MID2: variants seen among roughly 807,000 people sequenced by gnomAD.
The protein encoded by MID2 is probable E3 ubiquitin-protein ligase MID2.
MID2 carries 13 observed loss-of-function variants against 46.1 expected under a neutral mutation model. That is an observed-to-expected ratio of 0.28 (90% confidence interval 0.18 to 0.45). The LOEUF is 0.45. MID2 is among the 20% of genes least tolerant of loss of function. The probability of loss-of-function intolerance (pLI) is 1.00; values close to 1 mark genes in which losing one functional copy is unlikely to be tolerated. For synonymous variants in MID2, 199 were observed against 212.3 expected, an observed-to-expected ratio of 0.94 and a Z score of 0.55; for missense variants, 431 against 575.4, an observed-to-expected ratio of 0.75 and a Z score of 2.57.
chrX:107,926,313 C>A lies in MID2; in HGVS notation c.1805+12C>A. The A allele has an allele frequency of 8.5e-7, 1 of 1,179,955 alleles. No homozygotes were observed. Among genetic ancestry groups the A allele is most frequent in the Non-Finnish European group, 1.1e-6 (1 of 870,031 alleles). On this transcript the variant is annotated intron_variant, in intron 9 of 9. Coordinates refer to ENST00000262843, the MANE Select transcript of MID2 (RefSeq NM_012216.4). ...GGTTCCTCAACATGGTGAGTGGATC[C>A]CATTTTCCTTTTCTTTTCTGTCCTC... is the stretch of plus-strand genomic sequence containing the variant.
intron 3 of MID2, among the ~76,000 whole-genome samples, chrX:107,881,989 T>G (rs938722433): frequency 1.2e-4 from 13 of 112,229 alleles, no homozygotes; most frequent in African/African-American, 3.9e-4. Flanking sequence ...AGCAGCATGG[T>G]ACTGGTACCA....
intron 1 of MID2, among the ~76,000 whole-genome samples, chrX:107,829,890 C>G (rs1209157661): frequency 8.9e-6 from 1 of 112,361 alleles, no homozygotes; most frequent in Non-Finnish European, 1.9e-5. Context: ...AACATATCAT[C>G]TGAATGGTGC....
chrX:107,871,400 G>A (rs73529342), intron 3 of MID2, among the ~76,000 whole-genome samples: 2,063 of 111,439 alleles, frequency 0.019, 52 homozygotes, highest in African/African-American at 0.063. Context: ...TGGCAGGAGC[G>A]AAACTGTGCT....
chrX:107,854,529 T>C, intron 2 of MID2, 80 bp from the exon 3 acceptor site: 1 of 693,189 alleles, frequency 1.4e-6, no homozygotes, highest in Non-Finnish European at 2.3e-6. Context: ...GATTTTCACA[T>C]GACATTGGTT....
chrX:107,859,184 C>T (rs12863681), intron 3 of MID2, among the ~76,000 whole-genome samples: 19,170 of 110,740 alleles, frequency 0.17, 1,575 homozygotes, highest in African/African-American at 0.31. Context: ...GCTGCTTCTC[C>T]AAGCATAAAA....
intron 7 of MID2, among the ~76,000 whole-genome samples, chrX:107,921,503 C>T (rs1038065550): frequency 9.0e-6 from 1 of 111,145 alleles, no homozygotes; most frequent in African/African-American, 3.3e-5. Flanking sequence ...CATCTCATCC[C>T]TACCCCCACC....
In MID2 at chrX:107,855,879, G is replaced by T. The variant is rs1019742432; in HGVS notation, c.816+1175G>T. Among the ~76,000 whole-genome samples, 6 of 111,701 alleles carry T rather than the reference G, an allele frequency of 5.4e-5. No individual in the cohort carries two copies. In the Middle Eastern group the frequency reaches 0.014, roughly 261 times the overall value. The stretch of plus-strand genomic sequence containing the variant: ...CTCTACGTAGGGTCCATAGAGTACT[G>T]GTCAAACTCAGATATGAGACTATAA... On this transcript the variant is annotated intron_variant, in intron 3 of 9. Coordinates refer to ENST00000262843, the MANE Select transcript of MID2 (RefSeq NM_012216.4).
At chrX:107,899,861 A>G in intron 3 of MID2, among the ~76,000 whole-genome samples, 1 of 112,066 alleles carries the variant, frequency 8.9e-6, no homozygotes. Context: ...TATGCTTATT[A>G]AGGTAACCCA....
chrX:107,840,783 C>T lies in MID2; in HGVS notation c.118C>T (p.Pro40Ser). The change falls in exon 2 of 10, where the codon CCC becomes TCC. Residue 40 changes from proline (P) to serine (S), a missense_variant. Transcript: ENST00000262843. The stretch of plus-strand genomic sequence containing the variant: ...AATCTGCCTAGAGTTGTTTGAAGAC[C>T]CCCTTCTGCTCCCTTGTGCTCACAG... ...CPICLELFED[P>S]LLLPCAHSLC... 1.7e-6 allele frequency: 2 copies of T among 1,211,037 alleles called. No homozygotes were observed. The highest frequency in any genetic ancestry group is 2.2e-6 in the Non-Finnish European group (2 of 895,098).
intron 1 of MID2, among the ~76,000 whole-genome samples, chrX:107,834,720 A>G (rs1931168589): frequency 8.9e-6 from 1 of 111,754 alleles, no homozygotes; most frequent in Admixed American, 9.5e-5. Context: ...ACAGGGAATC[A>G]TTGACCTAGA....
At chrX:107,871,752 C>A (rs1447069750) in intron 3 of MID2, among the ~76,000 whole-genome samples, 2 of 110,967 alleles carry the variant, frequency 1.8e-5, no homozygotes, top group Non-Finnish European at 3.8e-5. Context: ...GAAGCAACAC[C>A]GTAAAGCCGT....
Position 107,924,464 on chromosome X carries a change from C to T in MID2, c.1557C>T (p.Ala519=), listed in dbSNP as rs538549698. The change falls in exon 8 of 10, where the codon GCC becomes GCT. Residue 519 remains alanine (A), a synonymous_variant. Coordinates refer to ENST00000262843, the MANE Select transcript of MID2 (RefSeq NM_012216.4). ...TCATCGTTAAAGCCATAAACCAAGC[C>T]GGCAGCCGGAACAGTGAACCTACCC... ...YIFIVKAINQ[A]GSRNSEPTRL... is the part of the protein sequence containing the mutation. The T allele has an allele frequency of 4.5e-5, 55 of 1,209,937 alleles. No individual in the cohort carries two copies. The highest frequency in any genetic ancestry group is 2.3e-4 in the South Asian group (13 of 56,829).
Position 107,841,900 on chromosome X carries a change from G to A in MID2, c.720+515G>A, listed in dbSNP as rs141923491. 6.4e-3 allele frequency among the ~76,000 whole-genome samples: 712 copies of A among 111,945 alleles called. 4 individuals carry two copies. The highest frequency in any genetic ancestry group is 0.021 in the African/African-American group (657 of 30,811). ...GACATTATTGTATGTTTGTGTTTGT[G>A]TACTCAATACACTAAAGAAACAAAA... On this transcript the variant is annotated intron_variant, in intron 2 of 9. Transcript: ENST00000262843.
intron 2 of MID2, among the ~76,000 whole-genome samples, chrX:107,846,970 T>C (rs750680284): frequency 9.0e-6 from 1 of 111,446 alleles, no homozygotes; most frequent in Non-Finnish European, 1.9e-5. Flanking sequence ...ATAATATAGG[T>C]GAGGAAAGAT....
At chrX:107,888,250 T>C (rs1359124904) in intron 3 of MID2, among the ~76,000 whole-genome samples, 2 of 112,283 alleles carry the variant, frequency 1.8e-5, no homozygotes, top group African/African-American at 6.5e-5. Context: ...CTGCTTTCTC[T>C]TGTGGGCATT....
At chrX:107,907,092 A>G (rs1221799730) in intron 5 of MID2, among the ~76,000 whole-genome samples, 1 of 111,591 alleles carries the variant, frequency 9.0e-6, no homozygotes, top group Admixed American at 9.5e-5. Flanking sequence ...TAACATACCA[A>G]CCTGATAAAG....
intron 1 of MID2, among the ~76,000 whole-genome samples, chrX:107,838,051 A>T (rs1345545875): frequency 8.9e-6 from 1 of 112,482 alleles, no homozygotes. Flanking sequence ...AGTGAAATAA[A>T]ACAGAATGTT....
At chrX:107,918,877 T>C (rs1203833590) in intron 7 of MID2, among the ~76,000 whole-genome samples, 1 of 112,293 alleles carries the variant, frequency 8.9e-6, no homozygotes, top group Non-Finnish European at 1.9e-5. Flanking sequence ...ATCTAAAGGT[T>C]GTCACCTCTG....
rs1250869302 is a variant in MID2 at position 107,826,148 on chromosome X, C to G, written c.-279C>G. 3.4e-6 allele frequency: 1 copy of G among 295,533 alleles called. No homozygotes were observed. Among genetic ancestry groups the G allele is most frequent in the Non-Finnish European group, 5.9e-6 (1 of 169,963 alleles). The allele number at this position is 295,533 out of a possible 1,213,427, so 24.4% of individuals were successfully genotyped here. Reference sequence around the variant, plus strand: ...CTGCCCCTGGACTGAGGGGCGAAAACTCTTAAGTTTAGCTCGGGAGGCCCA... The same window carrying G: ...CTGCCCCTGGACTGAGGGGCGAAAAGTCTTAAGTTTAGCTCGGGAGGCCCA... On this transcript the variant is annotated 5_prime_UTR_variant, in exon 1 of 10. Coordinates refer to ENST00000262843, the MANE Select transcript of MID2 (RefSeq NM_012216.4).
Sources: allele counts gnomAD v4.1 joint callset (sites outside exome capture counted in the v4.1 genomes callset), GRCh38; gene constraint gnomAD v4.1.1; transcripts MANE v1.5; gene names NCBI Gene and HGNC (gene_info 2026-07-23, HGNC 2026-07-21).